The following DCBLD1 variants were observed in gnomAD, a reference collection of about 807,000 sequenced individuals.
DCBLD1 encodes the protein discoidin, CUB and LCCL domain containing 1.
A neutral mutation model predicts 71.5 loss-of-function variants in DCBLD1; 57 were observed. That is an observed-to-expected ratio of 0.80 (90% CI 0.64 to 0.99). The LOEUF (loss-of-function observed/expected upper bound fraction) is 0.99. Ranked by LOEUF, DCBLD1 falls within the 50% of genes least tolerant of loss-of-function variation. DCBLD1 has a pLI of 0.00. For synonymous variants in DCBLD1, 380 were observed against 363.8 expected (o/e 1.04, Z -0.51); for missense variants, 891 against 923.5 (o/e 0.96, Z 0.46).
At chr6:117,563,231 T>G (rs1358677959) in intron 14 of DCBLD1, 89 of 1,604,920 alleles carry the variant, frequency 5.5e-5, no homozygotes, top group Non-Finnish European at 7.4e-5. Context: ...TGATTAACAA[T>G]CTTGTCTGGA....
At chr6:117,491,750 C>A (rs541023009) in intron 1 of DCBLD1, among the ~76,000 whole-genome samples, 106 of 152,150 alleles carry the variant, frequency 7.0e-4, no homozygotes, top group African/African-American at 2.5e-3. Context: ...TATCACTGAC[C>A]CCCACCCACA....
intron 2 of DCBLD1, among the ~76,000 whole-genome samples, chr6:117,518,790 A>G (rs1055016703): frequency 1.3e-5 from 2 of 152,196 alleles, no homozygotes; most frequent in African/African-American, 2.4e-5. Context: ...ACCTCCCACC[A>G]GGTCCCTCCC....
Position 117,503,916 on chromosome 6 carries a change from GAT to G in DCBLD1, c.265_266del (p.Ile89ArgfsTer8). 1.2e-6 allele frequency: 2 copies of G among 1,614,120 alleles called. No individual in the cohort carries two copies. The highest frequency in any genetic ancestry group is 1.7e-6 in the Non-Finnish European group (2 of 1,180,002). ...KRLILRLGDL[D>X]IESQTCASDY... ...ACTGATTCTGAGGTTGGGAGATTTG[GAT>G]ATCGAATCCCAGACCTGTGCTTCTG... On this transcript the variant is annotated frameshift_variant, in exon 2 of 15. Transcript: ENST00000338728. LOFTEE classifies it high-confidence loss of function.
intron 1 of DCBLD1, among the ~76,000 whole-genome samples, chr6:117,494,410 G>A (rs573038713): frequency 6.6e-6 from 1 of 152,296 alleles, no homozygotes; most frequent in Non-Finnish European, 1.5e-5. Flanking sequence ...GCATGTTCCA[G>A]CGGCAGGAAA....
intron 2 of DCBLD1, among the ~76,000 whole-genome samples, chr6:117,506,777 C>CT (rs1425839435): frequency 1.3e-5 from 2 of 152,228 alleles, no homozygotes; most frequent in African/African-American, 4.8e-5. Context: ...AGGCAAGGCC[C>CT]TAGTGCCCTT....
At chr6:117,505,814 A>C (rs1322309718) in intron 2 of DCBLD1, among the ~76,000 whole-genome samples, 1 of 152,166 alleles carries the variant, frequency 6.6e-6, no homozygotes, top group Non-Finnish European at 1.5e-5. Flanking sequence ...ACATTGTAAG[A>C]GAAAAAAGGC....
chr6:117,552,220 A>G (rs539183865), downstream of DCBLD1, among the ~76,000 whole-genome samples: 32 of 152,346 alleles, frequency 2.1e-4, no homozygotes, highest in African/African-American at 6.0e-4. Context: ...CTATGTGATT[A>G]CAGGCATATT....
chr6:117,545,143 A>G (rs1779224312), intron 13 of DCBLD1, among the ~76,000 whole-genome samples: 1 of 151,952 alleles, frequency 6.6e-6, no homozygotes, highest in Admixed American at 6.5e-5. Flanking sequence ...CCCAGGGTCT[A>G]AACACCAGCT....
intron 6 of DCBLD1, among the ~76,000 whole-genome samples, chr6:117,534,334 C>T (rs1477178816): frequency 6.6e-6 from 1 of 152,196 alleles, no homozygotes; most frequent in Non-Finnish European, 1.5e-5. Flanking sequence ...TTAAAGTTTA[C>T]ATCCTGATTT....
rs772873749 is a variant in DCBLD1, at chr6:117,537,263, G to A, written c.760+38G>A. 1.4e-5 allele frequency: 23 copies of A among 1,602,998 alleles called. No homozygotes were observed. The Middle Eastern group carries it at 6.6e-4, about 46-fold the overall frequency. On this transcript the variant is annotated intron_variant, in intron 7 of 14. Transcript: ENST00000338728. The stretch of plus-strand genomic sequence containing the variant: ...CTTTCCTTAAGAATTTGATATTTTC[G>A]GTGGCTCACGCCTATAATCCCAGCA...
chr6:117,534,797 C>T (rs201480218), intron 6 of DCBLD1, among the ~76,000 whole-genome samples: 4 of 150,850 alleles, frequency 2.7e-5, no homozygotes, highest in East Asian at 3.9e-4. Flanking sequence ...TATAATTTGA[C>T]GTTAAACTTC....
chr6:117,545,450 C>A lies in DCBLD1; in HGVS notation c.1496-28C>A. The A allele has an allele frequency of 1.9e-6, 3 of 1,610,182 alleles. No homozygotes were observed. The South Asian group carries it at 3.3e-5, about 18-fold the overall frequency. On this transcript the variant is annotated intron_variant, in intron 13 of 14. Transcript: ENST00000338728. The stretch of plus-strand genomic sequence containing the variant: ...ACGCGCATTACATTTCTGACATATT[C>A]ATTTGGTTTATGTTACCTTTATTCC...
downstream of DCBLD1, among the ~76,000 whole-genome samples, chr6:117,554,369 C>T (rs1367535727): frequency 6.6e-6 from 1 of 152,158 alleles, no homozygotes; most frequent in African/African-American, 2.4e-5. Flanking sequence ...GTTAAGAAAG[C>T]ATCTATTTAT....
Position 117,543,189 on chromosome 6 carries a change from G to C in DCBLD1, c.1423G>C (p.Gly475Arg). The C allele has an allele frequency of 6.2e-7, 1 of 1,613,898 alleles. No homozygotes were observed. The highest frequency in any genetic ancestry group is 2.2e-5 in the East Asian group (1 of 44,866). Residue 475 changes from glycine to arginine, a missense_variant, in exon 12 of 15, where the codon GGG becomes CGG. Gly to Arg is a moderately radical substitution (Grantham distance 125). Transcript: ENST00000338728. Reference sequence around the variant, plus strand: ...TGTTGTCCTGGTGTTTGCTGGAATGGGGATCTTTGCAGCCTTTAGAAAGTA... The same window carrying C: ...TGTTGTCCTGGTGTTTGCTGGAATGCGGATCTTTGCAGCCTTTAGAAAGTA... ...LLVVLVFAGMGIFAAFRKKKK... is the reference protein window; with the variant it reads ...LLVVLVFAGMRIFAAFRKKKK...
chr6:117,564,226 T>C (rs542777234), intron 14 of DCBLD1, among the ~76,000 whole-genome samples: 8 of 152,326 alleles, frequency 5.3e-5, no homozygotes, highest in African/African-American at 1.9e-4. Context: ...TCCTCCTGCC[T>C]TGGCCTCCCA....
intron 1 of DCBLD1, among the ~76,000 whole-genome samples, chr6:117,489,968 A>G (rs67104483): frequency 0.12 from 18,585 of 152,318 alleles, 1,284 homozygotes; most frequent in Non-Finnish European, 0.14. Flanking sequence ...CAACAGAAGC[A>G]GAACAGTTGT....
At chr6:117,569,709 G>C in exon 15 of DCBLD1, 1 of 1,601,060 alleles carries the variant, frequency 6.2e-7, no homozygotes, top group Non-Finnish European at 8.5e-7. Flanking sequence ...TCAGAGATGA[G>C]GATTGGAACA....
In DCBLD1 at chr6:117,525,400, A is replaced by G; in HGVS notation, c.551A>G (p.Asp184Gly). 6.6e-7 allele frequency: 1 copy of G among 1,518,140 alleles called. No homozygotes were observed. Among genetic ancestry groups the G allele is most frequent in the Non-Finnish European group, 8.8e-7 (1 of 1,132,922 alleles). The allele number at this position is 1,518,140 out of a possible 1,614,324, so 94.0% of individuals were successfully genotyped here. Reference sequence around the variant, plus strand: ...GCTGGTTGTAGAGACGTAGCAGGAGACATTTCTGGGAATATGGTAGATGGA... The same window carrying G: ...GCTGGTTGTAGAGACGTAGCAGGAGGCATTTCTGGGAATATGGTAGATGGA... ...CPAGCRDVAG[D>G]ISGNMVDGYR... Residue 184 changes from aspartate (D) to glycine (G), a missense_variant, in exon 5 of 15, where the codon GAC becomes GGC. By Grantham distance (94) the Asp-to-Gly change is moderately conservative. Coordinates refer to ENST00000338728, the MANE Select transcript of DCBLD1 (RefSeq NM_001366458.2).
At chr6:117,499,658 C>G (rs915849706) in intron 1 of DCBLD1, among the ~76,000 whole-genome samples, 4 of 152,132 alleles carry the variant, frequency 2.6e-5, no homozygotes, top group African/African-American at 9.7e-5. Context: ...ATTATAACAT[C>G]TTTGCAAACT....
Sources: allele counts gnomAD v4.1 joint callset (sites outside exome capture counted in the v4.1 genomes callset), GRCh38; gene constraint gnomAD v4.1.1; transcripts MANE v1.5; gene names NCBI Gene and HGNC (gene_info 2026-07-23, HGNC 2026-07-21).